Variants in GRM1 observed in about 807,000 individuals in gnomAD.
The protein encoded by GRM1 is glutamate metabotropic receptor 1.
Under a neutral mutation model 90.9 loss-of-function variants are expected in GRM1, and 33 were observed. The observed-to-expected ratio is 0.36, with a 90% CI of 0.28 to 0.49. The LOEUF is 0.49. GRM1 is among the 20% of genes least tolerant of loss of function. GRM1 has a pLI of 0.99. For missense variants in GRM1, 1,190 were observed against 1,534.3 expected, an observed-to-expected ratio of 0.78 and a Z score of 3.75; for synonymous variants, 700 against 613.2, an observed-to-expected ratio of 1.14 and a Z score of -2.09.
chr6:146,117,749 A>T (rs1775809738), intron 1 of GRM1, among the ~76,000 whole-genome samples: 1 of 152,136 alleles, frequency 6.6e-6, no homozygotes, highest in Non-Finnish European at 1.5e-5. Context: ...TATAGCCTTT[A>T]TAAGACCCCC....
chr6:146,064,674 C>T (rs772830457), intron 1 of GRM1, among the ~76,000 whole-genome samples: 8 of 149,278 alleles, frequency 5.4e-5, no homozygotes, highest in Non-Finnish European at 1.2e-4. Flanking sequence ...TTTTTTTCCC[C>T]CAGCTACTGG....
At chr6:146,028,996 G>A (rs956516417), upstream of GRM1, among the ~76,000 whole-genome samples, 3 of 152,154 alleles carry the variant, frequency 2.0e-5, no homozygotes, top group African/African-American at 7.2e-5. Flanking sequence ...GCTCTGCGCC[G>A]CCTGGACCCG....
chr6:146,257,884 T>C (rs1177798724), intron 2 of GRM1, among the ~76,000 whole-genome samples: 1 of 151,920 alleles, frequency 6.6e-6, no homozygotes, highest in Non-Finnish European at 1.5e-5. Flanking sequence ...GCAGAAATAA[T>C]GTTTAATCCG....
Position 146,399,212 on chromosome 6 carries a change from A to C in GRM1, c.2173A>C (p.Ile725Leu). The C allele has an allele frequency of 6.2e-7, 1 of 1,614,016 alleles. No homozygotes were observed. The highest frequency in any genetic ancestry group is 8.5e-7 in the Non-Finnish European group (1 of 1,179,996). ...SVQLTLVVTLIIMEPPMPILS... is the reference protein window; with the variant it reads ...SVQLTLVVTLLIMEPPMPILS... The stretch of plus-strand genomic sequence containing the variant: ...GCAACTAACCCTGGTGGTAACCCTG[A>C]TCATCATGGAACCCCCTATGCCCAT... Residue 725 changes from isoleucine to leucine, a missense_variant, in exon 7 of 8, where the codon ATC becomes CTC. Coordinates refer to ENST00000282753, the MANE Select transcript of GRM1 (RefSeq NM_001278064.2). This position sits in a 1 kb window ranked among gnomAD's most constrained non-coding sequence, Gnocchi z 5.4.
At chr6:146,415,409 TG>T (rs1336163779) in intron 7 of GRM1, among the ~76,000 whole-genome samples, 1 of 152,212 alleles carries the variant, frequency 6.6e-6, no homozygotes, top group African/African-American at 2.4e-5. Flanking sequence ...TCGAGGTTTT[TG>T]TTTTTGTTTT....
At chr6:146,149,078 C>T (rs1339919885) in intron 1 of GRM1, among the ~76,000 whole-genome samples, 1 of 152,228 alleles carries the variant, frequency 6.6e-6, no homozygotes, top group East Asian at 1.9e-4. Flanking sequence ...TCATAAATAG[C>T]TAACTGAAGT....
In GRM1 at chr6:146,396,154, T is replaced by C. The variant is rs1426466440; in HGVS notation, c.1730-2615T>C. Among the ~76,000 whole-genome samples the C allele has an allele frequency of 2.0e-5, 3 of 151,956 alleles. No homozygotes were observed. In the South Asian group the frequency reaches 6.2e-4, roughly 32 times the overall value. On this transcript the variant is annotated intron_variant, in intron 6 of 7. Transcript: ENST00000282753. ...TATGTATCATCTGTCTTGCCTGCAT[T>C]GGGAAAACAAAAATAAAATTAGGAT...
chr6:146,109,418 G>A (rs374813519), intron 1 of GRM1, among the ~76,000 whole-genome samples: 1 of 152,202 alleles, frequency 6.6e-6, no homozygotes, highest in Admixed American at 6.5e-5. Context: ...CTGGTGTTTT[G>A]TTGAGCCTGC....
At chr6:146,159,702 C>A in intron 2 of GRM1, 105 bp downstream of exon 2, 1 of 1,100,334 alleles carries the variant, frequency 9.1e-7, no homozygotes, top group Middle Eastern at 2.9e-4. Context: ...CAAAACTAGA[C>A]TTGCTAACTC....
chr6:146,242,656 T>C lies in GRM1; in HGVS notation c.951-61955T>C, dbSNP rs184664366. 5.3e-5 allele frequency among the ~76,000 whole-genome samples: 8 copies of C among 152,212 alleles called. No individual in the cohort carries two copies. In the East Asian group the frequency reaches 1.5e-3, roughly 29 times the overall value. On this transcript the variant is annotated intron_variant, in intron 2 of 7. Transcript: ENST00000282753. ...TGAATCTGGTCATTACTTTTCTCTATTCATTACCTGAGAGGTAGTAGGGAA... is the reference window on the plus strand; with the variant it reads ...TGAATCTGGTCATTACTTTTCTCTACTCATTACCTGAGAGGTAGTAGGGAA...
chr6:146,164,871 T>C (rs1218718206), intron 2 of GRM1, among the ~76,000 whole-genome samples: 4 of 152,124 alleles, frequency 2.6e-5, no homozygotes, highest in Non-Finnish European at 5.9e-5. Context: ...CTAGACATAC[T>C]AGGTGTACCA....
At chr6:146,320,882 G>A (rs1784160233) in intron 3 of GRM1, among the ~76,000 whole-genome samples, 1 of 151,872 alleles carries the variant, frequency 6.6e-6, no homozygotes, top group African/African-American at 2.4e-5. Context: ...AGTCTGGCTA[G>A]CAGTCTATCT....
In GRM1 at chr6:146,433,810, A is replaced by T. The variant is rs1778498841; in HGVS notation, c.2661-62A>T. The T allele has an allele frequency of 3.4e-6, 4 of 1,192,050 alleles. No individual in the cohort carries two copies. The Admixed American group carries it at 5.2e-5, about 16-fold the overall frequency. 73.8% of individuals were successfully genotyped at this position (1,192,050 alleles called of 1,614,324 possible). A position where few individuals can be genotyped will look rare whatever the true frequency, so the allele number is the denominator to read the frequency against. ...TGAGCTAGGTTTGCATATGTTTTCT[A>T]TGTATTTTATCCTGTGTGCATGATC... On this transcript the variant is annotated intron_variant, in intron 7 of 7. Coordinates refer to ENST00000282753, the MANE Select transcript of GRM1 (RefSeq NM_001278064.2).
intron 7 of GRM1, among the ~76,000 whole-genome samples, chr6:146,412,903 A>G (rs1421071801): frequency 6.7e-6 from 1 of 149,766 alleles, no homozygotes; most frequent in East Asian, 1.9e-4. Context: ...TACTATATCT[A>G]CATTATCTGA....
At chr6:146,381,806 T>C (rs1776329337) in intron 5 of GRM1, among the ~76,000 whole-genome samples, 2 of 152,180 alleles carry the variant, frequency 1.3e-5, no homozygotes, top group Admixed American at 1.3e-4. Context: ...TCTTTTACCT[T>C]TTTTTAGTTA....
At chr6:146,225,477 G>A (rs1196590254) in intron 2 of GRM1, among the ~76,000 whole-genome samples, 2 of 151,974 alleles carry the variant, frequency 1.3e-5, no homozygotes, top group Non-Finnish European at 2.9e-5. Flanking sequence ...AGCAAAACTG[G>A]TTTTTAAACA....
intron 1 of GRM1, among the ~76,000 whole-genome samples, chr6:146,128,132 G>A (rs1326056423): frequency 5.9e-5 from 9 of 152,098 alleles, no homozygotes; most frequent in Non-Finnish European, 1.3e-4. Context: ...AAAACCTGTA[G>A]CACCTTCATG....
chr6:146,179,722 A>G (rs969188017), intron 2 of GRM1, among the ~76,000 whole-genome samples: 3 of 152,062 alleles, frequency 2.0e-5, no homozygotes, highest in Admixed American at 6.6e-5. Flanking sequence ...TCACTGTGTT[A>G]GCCAGGATAG....
chr6:146,376,480 G>A (rs1345004560), intron 5 of GRM1, among the ~76,000 whole-genome samples: 1 of 151,990 alleles, frequency 6.6e-6, no homozygotes, highest in Non-Finnish European at 1.5e-5. Flanking sequence ...AAATCCCTCA[G>A]CTTTTGTCTG....
Sources: allele counts gnomAD v4.1 joint callset (sites outside exome capture counted in the v4.1 genomes callset), GRCh38; gene constraint gnomAD v4.1.1; non-coding constraint Gnocchi (gnomAD v3.1); transcripts MANE v1.5; gene names NCBI Gene and HGNC (gene_info 2026-07-23, HGNC 2026-07-21).